Variants in NUTM2B observed in about 807,000 individuals in gnomAD.
NUTM2B encodes NUT family member 2B.
NUTM2B carries 2 observed loss-of-function variants against 42.4 expected under a neutral mutation model. That is an observed-to-expected ratio of 0.05 (90% CI 0.02 to 0.15). NUTM2B has a LOEUF of 0.15. Ranked by LOEUF, NUTM2B falls within the 10% of genes least tolerant of loss-of-function variation. The pLI is 1.00. For synonymous variants in NUTM2B, 18 were observed against 402.4 expected (o/e 0.04, Z 11.43); for missense variants, 58 against 952.6 (o/e 0.06, Z 12.36).
chr10:79,700,680 G>T (rs547065914), upstream of NUTM2B, among the ~76,000 whole-genome samples: 1 of 152,038 alleles, frequency 6.6e-6, no homozygotes, highest in African/African-American at 2.4e-5. Context: ...CCATGAGAGC[G>T]AAGGCCGGTG....
At chr10:79,692,501 T>C in the NUTM2B span, among the ~76,000 whole-genome samples, 1 of 152,168 alleles carries the variant, frequency 6.6e-6, no homozygotes, top group Non-Finnish European at 1.5e-5. Context: ...TGGCTGCCCC[T>C]TGAGAAACTT....
chr10:79,692,526 G>A, the NUTM2B span, among the ~76,000 whole-genome samples: 536 of 152,326 alleles, frequency 3.5e-3, 2 homozygotes, highest in Non-Finnish European at 6.4e-3. Flanking sequence ...GCCACTGGGG[G>A]AGTGCTGAGT....
At chr10:79,693,783 T>C in the NUTM2B span, among the ~76,000 whole-genome samples, 1 of 152,170 alleles carries the variant, frequency 6.6e-6, no homozygotes, top group Admixed American at 6.5e-5. Context: ...TAGTGCAACA[T>C]ACCCTCATTA....
At chr10:79,700,813 G>A (rs1362291667), upstream of NUTM2B, among the ~76,000 whole-genome samples, 3 of 152,224 alleles carry the variant, frequency 2.0e-5, no homozygotes, top group East Asian at 1.9e-4. Context: ...GGCTCCTGCG[G>A]CGGCACACGG....
At position 79,705,109 on chromosome 10, in the gene NUTM2B, T is replaced by C. The variant is rs565976743; in HGVS notation, c.383-933T>C. Reference sequence around the variant, plus strand: ...ACCCCTGGTTTTTGGTTGGTCACTATGTTCAGTTATTAGGAGCTCAAAGGA... The same window carrying C: ...ACCCCTGGTTTTTGGTTGGTCACTACGTTCAGTTATTAGGAGCTCAAAGGA... On this transcript the variant is annotated intron_variant, in intron 1 of 6. Coordinates refer to ENST00000429828, the Ensembl canonical transcript of NUTM2B. Among the ~76,000 whole-genome samples the C allele has an allele frequency of 3.4e-4, 44 of 128,828 alleles. 4 individuals carry two copies. Among genetic ancestry groups the C allele is most frequent in the African/African-American group, 9.2e-4 (32 of 34,730 alleles). The allele number at this position is 128,828 out of a possible 152,430, so 84.5% of individuals were successfully genotyped here.
the NUTM2B span, among the ~76,000 whole-genome samples, chr10:79,692,525 G>A: frequency 1.3e-5 from 2 of 152,182 alleles, no homozygotes; most frequent in South Asian, 2.1e-4. Flanking sequence ...TGCCACTGGG[G>A]GAGTGCTGAG....
chr10:79,695,749 C>A, the NUTM2B span, among the ~76,000 whole-genome samples: 1 of 151,962 alleles, frequency 6.6e-6, no homozygotes, highest in Non-Finnish European at 1.5e-5. Flanking sequence ...GGAAACCCCA[C>A]ATCTTTCTGA....
At chr10:79,694,730 C>A in the NUTM2B span, among the ~76,000 whole-genome samples, 2 of 152,196 alleles carry the variant, frequency 1.3e-5, no homozygotes, top group Non-Finnish European at 2.9e-5. Flanking sequence ...GAAACCGAAT[C>A]CATTCTCTCT....
At chr10:79,694,933 A>G in the NUTM2B span, among the ~76,000 whole-genome samples, 12 of 147,142 alleles carry the variant, frequency 8.2e-5, no homozygotes, top group South Asian at 4.4e-4. Flanking sequence ...TAAGACCTTC[A>G]CCTGCAGCTC....
chr10:79,696,087 T>G, the NUTM2B span, among the ~76,000 whole-genome samples: 1 of 146,820 alleles, frequency 6.8e-6, no homozygotes, highest in Non-Finnish European at 1.5e-5. Context: ...AATACACACC[T>G]ATTAAAGCCT....
At chr10:79,694,397 CA>C in the NUTM2B span, among the ~76,000 whole-genome samples, 42 of 126,366 alleles carry the variant, frequency 3.3e-4, no homozygotes, top group Admixed American at 3.3e-4. Flanking sequence ...GACTCTGTCT[CA>C]AAAAAAAAAA....
At chr10:79,707,703 CT>C (rs1840418507) in intron 2 of NUTM2B, among the ~76,000 whole-genome samples, 3 of 108,648 alleles carry the variant, frequency 2.8e-5, no homozygotes. Context: ...GGCCGTTCCC[CT>C]AGGGAAGTCC....
At chr10:79,693,282 C>T in the NUTM2B span, among the ~76,000 whole-genome samples, 30 of 152,244 alleles carry the variant, frequency 2.0e-4, no homozygotes, top group Non-Finnish European at 3.5e-4. Flanking sequence ...CTGTTTCCTT[C>T]TGAGTGTTCT....
chr10:79,711,633 T>C, intron 6 of NUTM2B, 67 bp from the exon 7 acceptor site: 1 of 1,586,828 alleles, frequency 6.3e-7, no homozygotes, highest in African/African-American at 1.4e-5. Flanking sequence ...AGTGCCCTGG[T>C]CTCCACCACC....
upstream of NUTM2B, among the ~76,000 whole-genome samples, chr10:79,702,180 G>A (rs1316468129): frequency 3.9e-5 from 6 of 151,922 alleles, no homozygotes; most frequent in South Asian, 2.1e-4. Flanking sequence ...ATTGCTCTCC[G>A]TTGATCTTCT....
At chr10:79,699,550 C>A (rs182347824), upstream of NUTM2B, among the ~76,000 whole-genome samples, 166 of 152,360 alleles carry the variant, frequency 1.1e-3, no homozygotes, top group African/African-American at 3.8e-3. Context: ...TCAAGTGATT[C>A]TTCTGCCTCA....
At chr10:79,699,599 C>A (rs1840276827), upstream of NUTM2B, among the ~76,000 whole-genome samples, 1 of 152,336 alleles carries the variant, frequency 6.6e-6, no homozygotes, top group South Asian at 2.1e-4. Context: ...TGCACCACCA[C>A]ACCCAGCTAA....
At chr10:79,695,771 A>G in the NUTM2B span, among the ~76,000 whole-genome samples, 1 of 151,892 alleles carries the variant, frequency 6.6e-6, no homozygotes, top group Non-Finnish European at 1.5e-5. Context: ...TGTGCTGATC[A>G]CACGGACAAT....
chr10:79,700,394 G>A (rs1330588716), upstream of NUTM2B, among the ~76,000 whole-genome samples: 30 of 152,250 alleles, frequency 2.0e-4, no homozygotes, highest in African/African-American at 5.5e-4. Flanking sequence ...TGAAAGGCAC[G>A]GCCGAGACAC....
Sources: gnomAD v4.1 joint callset for allele counts (sites outside exome capture counted in the v4.1 genomes callset) on GRCh38, gnomAD v4.1.1 for gene constraint, MANE v1.5 for transcripts, NCBI Gene and HGNC (gene_info 2026-07-23, HGNC 2026-07-21) for gene names.